Variants in PLCL1 observed in about 807,000 individuals in gnomAD.
The protein encoded by PLCL1 is inactive phospholipase C-like protein 1.
In PLCL1, 41 loss-of-function variants were observed where a neutral mutation model predicts 84.4. The ratio of observed to expected loss-of-function variants is 0.49; its 90% CI spans 0.38 to 0.63. The LOEUF (loss-of-function observed/expected upper bound fraction) is 0.63, where lower values mean the gene tolerates loss of function less well. Ranked by LOEUF, PLCL1 falls within the 30% of genes least tolerant of loss-of-function variation. The probability of loss-of-function intolerance (pLI) is 0.00; values close to 1 mark genes in which losing one functional copy is unlikely to be tolerated. For synonymous variants in PLCL1, 490 were observed against 488.3 expected (o/e 1.00, Z -0.05); for missense variants, 1,206 against 1,367.8 (o/e 0.88, Z 1.87).
intron 5 of PLCL1, among the ~76,000 whole-genome samples, chr2:198,112,748 C>T (rs901771622): frequency 5.3e-5 from 8 of 151,828 alleles, no homozygotes; most frequent in African/African-American, 1.9e-4. Context: ...ATGCCAGAAA[C>T]ATTTGGTGAA....
chr2:197,827,551 A>G (rs973039508), intron 1 of PLCL1, among the ~76,000 whole-genome samples: 16 of 152,132 alleles, frequency 1.1e-4, no homozygotes, highest in Admixed American at 2.0e-4. Flanking sequence ...AGAGGATATA[A>G]TCTAGGTGTT....
chr2:197,938,067 C>T (rs1689084063), intron 1 of PLCL1, among the ~76,000 whole-genome samples: 1 of 152,222 alleles, frequency 6.6e-6, no homozygotes, highest in Non-Finnish European at 1.5e-5. Context: ...CTATGTCTCA[C>T]AGATATCTTA....
At chr2:197,956,678 C>A (rs776259603) in intron 1 of PLCL1, among the ~76,000 whole-genome samples, 1 of 151,810 alleles carries the variant, frequency 6.6e-6, no homozygotes, top group Admixed American at 6.6e-5. Flanking sequence ...TCAGTGATGT[C>A]GAGCTTTTTT....
At chr2:198,082,913 G>A (rs1254339519) in intron 1 of PLCL1, among the ~76,000 whole-genome samples, 1 of 152,176 alleles carries the variant, frequency 6.6e-6, no homozygotes, top group African/African-American at 2.4e-5. Flanking sequence ...TGTTGGTCAG[G>A]GAAGGGTGAA....
At chr2:197,968,729 C>T (rs1689798072) in intron 1 of PLCL1, among the ~76,000 whole-genome samples, 1 of 152,164 alleles carries the variant, frequency 6.6e-6, no homozygotes, top group African/African-American at 2.4e-5. Context: ...AATTGTTCTT[C>T]TGGAGACTAT....
chr2:198,088,273 T>A (rs1326498384), intron 2 of PLCL1, among the ~76,000 whole-genome samples: 2 of 152,212 alleles, frequency 1.3e-5, no homozygotes, highest in African/African-American at 4.8e-5. Flanking sequence ...ATCATTGTCA[T>A]GAAATTCATG....
intron 1 of PLCL1, among the ~76,000 whole-genome samples, chr2:197,856,639 C>A (rs1687334455): frequency 6.6e-6 from 1 of 152,226 alleles, no homozygotes; most frequent in Non-Finnish European, 1.5e-5. Context: ...GACTATTTTA[C>A]TTGGAAGTTG....
chr2:198,140,449 C>T (rs1415317100), intron 5 of PLCL1, among the ~76,000 whole-genome samples: 1 of 152,010 alleles, frequency 6.6e-6, no homozygotes, highest in Non-Finnish European at 1.5e-5. Context: ...CAGTTAATTA[C>T]TATTTTGAAG....
chr2:198,055,902 C>A (rs1692060530), intron 1 of PLCL1, among the ~76,000 whole-genome samples: 1 of 152,148 alleles, frequency 6.6e-6, no homozygotes, highest in African/African-American at 2.4e-5. Flanking sequence ...ATGCTGGCAG[C>A]CTCAGCTCAT....
At chr2:197,807,889 C>A (rs1690514317) in intron 1 of PLCL1, among the ~76,000 whole-genome samples, 1 of 152,132 alleles carries the variant, frequency 6.6e-6, no homozygotes, top group Admixed American at 6.5e-5. Flanking sequence ...CAGAATAGTG[C>A]TATCCTGACA....
chr2:197,840,719 A>G (rs1315961898), intron 1 of PLCL1, among the ~76,000 whole-genome samples: 1 of 152,056 alleles, frequency 6.6e-6, no homozygotes, highest in Non-Finnish European at 1.5e-5. Context: ...TCTGGGTGCA[A>G]CTCTTAAGCT....
intron 1 of PLCL1, among the ~76,000 whole-genome samples, chr2:197,988,047 A>T (rs1265391441): frequency 6.6e-6 from 1 of 151,946 alleles, no homozygotes; most frequent in African/African-American, 2.4e-5. Context: ...AGTGATCGGT[A>T]TTGCGGGTAT....
chr2:198,018,836 C>T (rs1691062219), intron 1 of PLCL1, among the ~76,000 whole-genome samples: 1 of 152,352 alleles, frequency 6.6e-6, no homozygotes, highest in African/African-American at 2.4e-5. Context: ...TGCCTAACGG[C>T]TCTAAAGAGA....
intron 1 of PLCL1, among the ~76,000 whole-genome samples, chr2:198,016,677 C>T (rs1691007707): frequency 2.0e-5 from 3 of 152,160 alleles, no homozygotes; most frequent in Non-Finnish European, 2.9e-5. Context: ...GCGTCTTCTA[C>T]CATGGCTGGC....
intron 3 of PLCL1, among the ~76,000 whole-genome samples, chr2:198,089,724 T>A (rs1472900923): frequency 6.6e-6 from 1 of 152,134 alleles, no homozygotes; most frequent in African/African-American, 2.4e-5. Context: ...GTCTCTTCTG[T>A]TACTAGGAAA....
At chr2:198,005,097 G>T (rs543695385) in intron 1 of PLCL1, among the ~76,000 whole-genome samples, 2 of 152,262 alleles carry the variant, frequency 1.3e-5, no homozygotes, top group East Asian at 3.9e-4. Flanking sequence ...AGTTTTTAAA[G>T]GATTTTCTTT....
intron 1 of PLCL1, among the ~76,000 whole-genome samples, chr2:197,895,149 T>C (rs974565585): frequency 1.3e-5 from 2 of 151,910 alleles, no homozygotes; most frequent in African/African-American, 4.8e-5. Context: ...CCAGATAAAA[T>C]TGTCATAAGT....
intron 1 of PLCL1, among the ~76,000 whole-genome samples, chr2:198,013,911 T>A (rs1690929081): frequency 6.6e-6 from 1 of 152,116 alleles, no homozygotes; most frequent in Non-Finnish European, 1.5e-5. Context: ...AATCTTAATG[T>A]TGTTTGTGGC....
At chr2:197,964,844 A>G (rs1559058237) in intron 1 of PLCL1, among the ~76,000 whole-genome samples, 3 of 152,176 alleles carry the variant, frequency 2.0e-5, no homozygotes, top group South Asian at 2.1e-4. Context: ...TGAAATAATC[A>G]TATGTTTTTT....
Sources: gnomAD v4.1 joint callset for allele counts (sites outside exome capture counted in the v4.1 genomes callset) on GRCh38, gnomAD v4.1.1 for gene constraint, MANE v1.5 for transcripts, NCBI Gene and HGNC (gene_info 2026-07-23, HGNC 2026-07-21) for gene names.